Variants in ACO1 observed in about 807,000 individuals in gnomAD.
The protein encoded by ACO1 is aconitase 1.
A neutral mutation model predicts 105.1 loss-of-function variants in ACO1; 78 were observed. The observed-to-expected ratio is 0.74, with a 90% CI of 0.62 to 0.90. ACO1 has a LOEUF of 0.90. Among genes scored for constraint, ACO1 ranks in the 40% least tolerant of loss-of-function variants. The pLI, the probability that ACO1 is intolerant of heterozygous loss-of-function variation, is 0.00. For synonymous variants in ACO1, 364 were observed against 397.4 expected (o/e 0.92, Z 1.00); for missense variants, 965 against 1,111.1 (o/e 0.87, Z 1.87).
rs1256461808 is a variant in ACO1 at position 32,434,561 on chromosome 9, T to C, written c.1959T>C (p.Thr653=). The change falls in exon 17 of 21, where the codon ACT becomes ACC. Residue 653 remains threonine, a splice_region_variant and synonymous_variant. Transcript: ENST00000309951. ...IKSPPFFENL[T]LDLQPPKSIV... ...TGACTTTTTGTATTCTTTGCTAGAC[T>C]TTGGATCTTCAGCCCCCTAAATCTA... is the stretch of plus-strand genomic sequence containing the variant. 1 of 1,614,092 alleles carries C rather than the reference T, an allele frequency of 6.2e-7. No homozygotes were observed. The highest frequency in any genetic ancestry group is 1.7e-5 in the Admixed American group (1 of 60,012).
Position 32,440,470 on chromosome 9 carries a change from T to A in ACO1, c.2253T>A (p.Asp751Glu), listed in dbSNP as rs899896542. ...TIHLPSGEIL[D>E]VFDAAERYQQ... ...CTTCCTTTTCTCTTCCTCAGCTTGATGTGTTTGATGCTGCTGAGCGGTACC... is the reference window on the plus strand; with the variant it reads ...CTTCCTTTTCTCTTCCTCAGCTTGAAGTGTTTGATGCTGCTGAGCGGTACC... The change falls in exon 19 of 21, where the codon GAT becomes GAA. Residue 751 changes from aspartate to glutamate, a missense_variant. Physicochemically the swap from Asp to Glu is conservative, Grantham distance 45 (BLOSUM62 2). Transcript: ENST00000309951. 6.2e-7 allele frequency: 1 copy of A among 1,613,342 alleles called. No individual in the cohort carries two copies. The highest frequency in any genetic ancestry group is 1.3e-5 in the African/African-American group (1 of 74,894).
intron 8 of ACO1, 66 bp from the exon 9 acceptor site, chr9:32,423,253 A>G: frequency 3.6e-6 from 3 of 840,946 alleles, no homozygotes; most frequent in Non-Finnish European, 5.7e-6. Flanking sequence ...TGGAAGTATC[A>G]GTTTATAAAC....
intron 1 of ACO1, among the ~76,000 whole-genome samples, chr9:32,405,280 C>G (rs1391498472): frequency 6.6e-6 from 1 of 152,220 alleles, no homozygotes; most frequent in Non-Finnish European, 1.5e-5. Context: ...TACCTCGTAC[C>G]TACCAGACTT....
intron 1 of ACO1, among the ~76,000 whole-genome samples, chr9:32,391,026 C>A (rs1017837489): frequency 1.3e-5 from 2 of 152,100 alleles, no homozygotes; most frequent in Admixed American, 1.3e-4. Flanking sequence ...ATATTTAAAT[C>A]TTCAGTAAAA....
intron 17 of ACO1, chr9:32,435,983 C>G (rs1400385328): frequency 4.9e-6 from 3 of 606,220 alleles, no homozygotes; most frequent in Non-Finnish European, 6.1e-6. Context: ...TTTTAGACTT[C>G]CTTCTTATTT....
chr9:32,446,342 T>G (rs928620393), intron 19 of ACO1, among the ~76,000 whole-genome samples: 3 of 152,228 alleles, frequency 2.0e-5, no homozygotes, highest in African/African-American at 7.2e-5. Context: ...TACCATTATG[T>G]AATGGCCTTG....
chr9:32,400,393 G>C lies in ACO1; in HGVS notation c.-22-5092G>C, dbSNP rs1821469680. On this transcript the variant is annotated intron_variant, in intron 1 of 20. Transcript: ENST00000309951. ...GCTGGGGATGGGGTGGGAAGGGAGGGCCCCCCTTGGATTAGTGTGTTTGAC... is the reference window on the plus strand; with the variant it reads ...GCTGGGGATGGGGTGGGAAGGGAGGCCCCCCCTTGGATTAGTGTGTTTGAC... Among the ~76,000 whole-genome samples the C allele has an allele frequency of 2.0e-5, 3 of 152,104 alleles. No individual in the cohort carries two copies. In the South Asian group the frequency reaches 6.2e-4, roughly 32 times the overall value.
Position 32,432,655 on chromosome 9 carries a change from G to C in ACO1, c.1851+812G>C, listed in dbSNP as rs576994688. Among the ~76,000 whole-genome samples, 170 of 152,266 alleles carry C rather than the reference G, an allele frequency of 1.1e-3. 1 individual carries two copies. The highest frequency in any genetic ancestry group is 4.0e-3 in the African/African-American group (166 of 41,546). Reference sequence around the variant, plus strand: ...ACCCAGTGTTTGTGTGACCTGGAAGGCCACTTCCCAAAACACTCAGAGAGT... The same window carrying C: ...ACCCAGTGTTTGTGTGACCTGGAAGCCCACTTCCCAAAACACTCAGAGAGT... On this transcript the variant is annotated intron_variant, in intron 15 of 20. Transcript: ENST00000309951.
intron 17 of ACO1, among the ~76,000 whole-genome samples, chr9:32,435,388 A>G (rs1185016172): frequency 1.3e-5 from 2 of 152,178 alleles, no homozygotes; most frequent in Non-Finnish European, 2.9e-5. Context: ...AATTGAATGA[A>G]AGCAAATCTA....
intron 6 of ACO1, 63 bp downstream of exon 6, chr9:32,418,574 C>T (rs1275732676): frequency 1.6e-5 from 24 of 1,491,586 alleles, no homozygotes; most frequent in Non-Finnish European, 2.1e-5. Context: ...GATTCTATTA[C>T]ATCTCAGTAA....
At chr9:32,436,092 G>T in intron 17 of ACO1, 158 bp from the exon 18 acceptor site, 1 of 948,200 alleles carries the variant, frequency 1.1e-6, no homozygotes, top group Non-Finnish European at 1.7e-6. Flanking sequence ...GAAGCTTTGG[G>T]GACAGCTTTT....
chr9:32,443,304 C>A (rs1184759176), intron 19 of ACO1, among the ~76,000 whole-genome samples: 1 of 152,014 alleles, frequency 6.6e-6, no homozygotes, highest in African/African-American at 2.4e-5. Context: ...GACCTTCAGT[C>A]TAGAAGATGT....
chr9:32,431,952 T>A, intron 15 of ACO1, 109 bp downstream of exon 15: 1 of 1,272,828 alleles, frequency 7.9e-7, no homozygotes, highest in African/African-American at 1.5e-5. Flanking sequence ...CTATATAAAG[T>A]AACATTTATT....
At chr9:32,407,143 C>T in intron 2 of ACO1, 118 bp from the exon 3 acceptor site, 2 of 954,852 alleles carry the variant, frequency 2.1e-6, no homozygotes, top group Middle Eastern at 2.5e-4. Flanking sequence ...ACTTTACCCT[C>T]TTTCCTTGTG....
At chr9:32,406,614 C>A (rs994738575) in intron 2 of ACO1, among the ~76,000 whole-genome samples, 1 of 152,156 alleles carries the variant, frequency 6.6e-6, no homozygotes, top group Non-Finnish European at 1.5e-5. Context: ...CAGAGTGAGA[C>A]CCTGTCTCGA....
intron 17 of ACO1, 44 bp from the exon 18 acceptor site, chr9:32,436,206 T>C: frequency 6.2e-7 from 1 of 1,612,478 alleles, no homozygotes. Flanking sequence ...GGTTAATCTT[T>C]GCTTGCTTCA....
intron 1 of ACO1, among the ~76,000 whole-genome samples, chr9:32,403,367 T>C (rs1158672140): frequency 1.3e-5 from 2 of 152,220 alleles, no homozygotes; most frequent in Non-Finnish European, 2.9e-5. Flanking sequence ...CTTCTGCAGA[T>C]AGAATTTACT....
intron 2 of ACO1, 88 bp downstream of exon 2, chr9:32,405,691 A>G: frequency 1.1e-6 from 1 of 943,922 alleles, no homozygotes; most frequent in Non-Finnish European, 1.6e-6. Flanking sequence ...GAGTTTGAAG[A>G]GGGAGTAGCA....
intron 1 of ACO1, among the ~76,000 whole-genome samples, chr9:32,392,325 C>T (rs1218843925): frequency 3.3e-5 from 5 of 152,112 alleles, no homozygotes; most frequent in African/African-American, 9.7e-5. Context: ...ATACTTAGCC[C>T]GTCAGATCCT....
Sources: gnomAD v4.1 joint callset for allele counts (sites outside exome capture counted in the v4.1 genomes callset) on GRCh38, gnomAD v4.1.1 for gene constraint, MANE v1.5 for transcripts, NCBI Gene and HGNC (gene_info 2026-07-23, HGNC 2026-07-21) for gene names.